VPS26B: variants seen among roughly 807,000 people sequenced by gnomAD.
VPS26B encodes vacuolar protein sorting-associated protein 26B.
In VPS26B, 10 loss-of-function variants were observed where a neutral mutation model predicts 33.3. The ratio of observed to expected loss-of-function variants is 0.30; its 90% CI spans 0.19 to 0.51. VPS26B has a LOEUF of 0.51. Among genes scored for constraint, VPS26B ranks in the 20% least tolerant of loss-of-function variants. VPS26B has a pLI of 0.98. For synonymous variants in VPS26B, 190 were observed against 176.9 expected (o/e 1.07, Z -0.59); for missense variants, 317 against 452.7 (o/e 0.70, Z 2.72).
intron 1 of VPS26B, among the ~76,000 whole-genome samples, chr11:134,231,165 C>T (rs966877464): frequency 1.3e-5 from 2 of 151,730 alleles, no homozygotes; most frequent in Admixed American, 6.6e-5. Flanking sequence ...GAAGGTCAGA[C>T]ATGCGGAGGA....
At chr11:134,228,316 G>A (rs1005831984) in intron 1 of VPS26B, among the ~76,000 whole-genome samples, 3 of 151,262 alleles carry the variant, frequency 2.0e-5, no homozygotes, top group African/African-American at 7.3e-5. Flanking sequence ...GCTTTGGGAT[G>A]TATTTCTTGA....
intron 2 of VPS26B, 184 bp from the exon 3 acceptor site, chr11:134,239,804 TCTC>T (rs1938689539): frequency 3.2e-5 from 20 of 633,728 alleles, no homozygotes; most frequent in Non-Finnish European, 4.4e-5. Flanking sequence ...GTTGAAAAGG[TCTC>T]TGTATAGGTA....
chr11:134,225,504 C>T (rs1415435924), intron 1 of VPS26B, 159 bp downstream of exon 1: 1 of 734,298 alleles, frequency 1.4e-6, no homozygotes, highest in African/African-American at 1.8e-5. Flanking sequence ...TGGGCGACTC[C>T]CCCTGCGTTA....
Position 134,225,224 on chromosome 11 carries a change from G to T in VPS26B, c.102G>T (p.Lys34Asn), listed in dbSNP as rs752690816. ...AGCACAAGACGGAGGACGGGAAGAA[G>T]GAGAAATATTTCCTCTTCTACGACG... ...RAEHKTEDGK[K>N]EKYFLFYDGE... Residue 34 changes from lysine to asparagine, a missense_variant, in exon 1 of 6, where the codon AAG (lysine) becomes AAT (asparagine). Coordinates refer to ENST00000281187, the MANE Select transcript of VPS26B (RefSeq NM_052875.5). The T allele has an allele frequency of 6.2e-7, 1 of 1,614,050 alleles. No individual in the cohort carries two copies. The highest frequency in any genetic ancestry group is 1.3e-5 in the African/African-American group (1 of 74,936).
chr11:134,240,767 TTGTGTCCGTGTGTGTGTGTG>T lies in VPS26B; in HGVS notation c.545+638_545+657del, dbSNP rs1437825632. Among the ~76,000 whole-genome samples the T allele has an allele frequency of 1.7e-4, 25 of 146,612 alleles. No homozygotes were observed. The East Asian group carries it at 3.4e-3, about 20-fold the overall frequency. ...GCATGCACCGCCACACCCAGCTAAT[TTGTGTCCGTGTGTGTGTGTG>T]TGTGTCCGTGTGTGTGTGTGTGTGT... is the stretch of plus-strand genomic sequence containing the variant. On this transcript the variant is annotated intron_variant, in intron 3 of 5. Transcript: ENST00000281187. The surrounding 1 kb of genome is among the most constrained non-coding windows in gnomAD (Gnocchi z 4.4).
chr11:134,233,033 C>G (rs762309689), intron 1 of VPS26B, among the ~76,000 whole-genome samples: 1 of 152,232 alleles, frequency 6.6e-6, no homozygotes, highest in Non-Finnish European at 1.5e-5. Flanking sequence ...CCACCTCCCA[C>G]TCTGAGGCTT....
intron 3 of VPS26B, 90 bp from the exon 4 acceptor site, chr11:134,243,029 C>A: frequency 2.3e-6 from 3 of 1,328,714 alleles, no homozygotes; most frequent in Non-Finnish European, 3.2e-6. Flanking sequence ...GTTTAACCAG[C>A]ACGCTTGGCC....
intron 2 of VPS26B, among the ~76,000 whole-genome samples, chr11:134,238,566 G>A (rs1313514950): frequency 1.3e-5 from 2 of 152,146 alleles, no homozygotes; most frequent in Non-Finnish European, 2.9e-5. Flanking sequence ...GGTATGGCTA[G>A]CATATCTTTA....
chr11:134,234,985 C>T lies in VPS26B; in HGVS notation c.312C>T (p.Ala104=). The change falls in exon 2 of 6, where the codon GCC becomes GCT. Residue 104 remains alanine (A), a synonymous_variant. Transcript: ENST00000281187. ...ARPGEITQSQ[A]FDFEFTHVEK... ...CTGGAGAGATCACCCAGTCGCAGGC[C>T]TTCGACTTTGAGTTTACCCACGTGG... 6.2e-7 allele frequency: 1 copy of T among 1,614,190 alleles called. No homozygotes were observed. Among genetic ancestry groups the T allele is most frequent in the Non-Finnish European group, 8.5e-7 (1 of 1,180,038 alleles).
intron 2 of VPS26B, 136 bp from the exon 3 acceptor site, chr11:134,239,855 T>C (rs1432562453): frequency 1.6e-5 from 15 of 927,140 alleles, no homozygotes; most frequent in Non-Finnish European, 2.5e-5. Context: ...GTCTGTAACT[T>C]CTTAAAAGGA....
At chr11:134,239,554 C>A in intron 2 of VPS26B, 1 of 183,106 alleles carries the variant, frequency 5.5e-6, no homozygotes, top group Non-Finnish European at 1.2e-5. Context: ...AACAAACATG[C>A]AAAGATAAAA....
rs533039505 is a variant in VPS26B, at chr11:134,239,321, C to T, written c.381-670C>T. Among the ~76,000 whole-genome samples the T allele has an allele frequency of 2.6e-4, 39 of 152,304 alleles. No homozygotes were observed. In the South Asian group the frequency reaches 7.2e-3, roughly 28 times the overall value. On this transcript the variant is annotated intron_variant, in intron 2 of 5. Coordinates refer to ENST00000281187, the MANE Select transcript of VPS26B (RefSeq NM_052875.5). ...TCGCAGCATCTCAATTAGCCCTTTC[C>T]GTGTGTTCCCATTTCTCTATTTGCC...
At chr11:134,234,849 A>C in intron 1 of VPS26B, 48 bp from the exon 2 acceptor site, 1 of 1,595,136 alleles carries the variant, frequency 6.3e-7, no homozygotes, top group Non-Finnish European at 8.6e-7. Flanking sequence ...GGCCCGGTGT[A>C]GCTCAGGGTC....
chr11:134,229,523 C>T (rs1938528522), intron 1 of VPS26B, among the ~76,000 whole-genome samples: 1 of 152,174 alleles, frequency 6.6e-6, no homozygotes, highest in Admixed American at 6.5e-5. Flanking sequence ...CTTTTTTCCC[C>T]ATTTCGGCCT....
chr11:134,227,418 T>C (rs1938495896), intron 1 of VPS26B, among the ~76,000 whole-genome samples: 2 of 152,210 alleles, frequency 1.3e-5, no homozygotes, highest in Admixed American at 1.3e-4. Flanking sequence ...ACCTTACCAG[T>C]ATGTGAAAGA....
At chr11:134,231,240 T>TAGAAA (rs1938551561) in intron 1 of VPS26B, among the ~76,000 whole-genome samples, 1 of 151,642 alleles carries the variant, frequency 6.6e-6, no homozygotes, top group Non-Finnish European at 1.5e-5. Context: ...TTTTTTTTTT[T>TAGAAA]AGGTTTTAAT....
At chr11:134,243,418 ATC>A (rs1938763729) in intron 4 of VPS26B, 124 bp downstream of exon 4, 3 of 1,195,900 alleles carry the variant, frequency 2.5e-6, no homozygotes, top group African/African-American at 3.1e-5. Flanking sequence ...TAACTTCTTA[ATC>A]TCTCAGTTTA....
chr11:134,227,231 A>T (rs1168799410), intron 1 of VPS26B, among the ~76,000 whole-genome samples: 1 of 152,278 alleles, frequency 6.6e-6, no homozygotes, highest in Non-Finnish European at 1.5e-5. Flanking sequence ...AAACAGGATG[A>T]GTCCAAAGCA....
At chr11:134,228,236 A>T (rs56239395) in intron 1 of VPS26B, among the ~76,000 whole-genome samples, 6 of 151,686 alleles carry the variant, frequency 4.0e-5, no homozygotes. Flanking sequence ...GGGAGTAAAG[A>T]TGTACTATTT....
Sources: gnomAD v4.1 joint callset for allele counts (sites outside exome capture counted in the v4.1 genomes callset) on GRCh38, gnomAD v4.1.1 for gene constraint, Gnocchi (gnomAD v3.1) non-coding constraint, MANE v1.5 for transcripts, NCBI Gene and HGNC (gene_info 2026-07-23, HGNC 2026-07-21) for gene names.